The following FOCAD variants were observed in gnomAD, a reference collection of about 807,000 sequenced individuals.
FOCAD encodes the protein focadhesin.
In FOCAD, 198 loss-of-function variants were observed where a neutral mutation model predicts 225.6. That is an observed-to-expected ratio of 0.88 (90% confidence interval 0.78 to 0.99). The LOEUF (loss-of-function observed/expected upper bound fraction) is 0.99, where lower values mean the gene tolerates loss of function less well. Ranked by LOEUF, FOCAD falls within the 50% of genes least tolerant of loss-of-function variation. FOCAD has a pLI of 0.00. For missense variants in FOCAD, 2,713 were observed against 2,123.6 expected, an observed-to-expected ratio of 1.28 and a Z score of -5.46; for synonymous variants, 897 against 755.0, an observed-to-expected ratio of 1.19 and a Z score of -3.08.
In FOCAD at chr9:20,986,281, T is replaced by C. The variant is rs1564245847; in HGVS notation, c.4729-7T>C. ...TAACTAAACAATTTTTTTTTTTTTTTTTGCAGAGCAACATAGAAAAAGCTG... is the reference window on the plus strand; with the variant it reads ...TAACTAAACAATTTTTTTTTTTTTTCTTGCAGAGCAACATAGAAAAAGCTG... On this transcript the variant is annotated splice_region_variant and splice_polypyrimidine_tract_variant and intron_variant, in intron 39 of 43. Coordinates refer to ENST00000338382, the MANE Select transcript of FOCAD (RefSeq NM_001375567.1). 1.4e-6 allele frequency: 2 copies of C among 1,456,424 alleles called. No individual in the cohort carries two copies. Among genetic ancestry groups the C allele is most frequent in the Non-Finnish European group, 1.8e-6 (2 of 1,099,664 alleles). The allele number at this position is 1,456,424 out of a possible 1,614,324, so 90.2% of individuals were successfully genotyped here.
intron 4 of FOCAD, among the ~76,000 whole-genome samples, chr9:20,737,607 C>T (rs1385460805): frequency 6.6e-6 from 1 of 152,186 alleles, no homozygotes; most frequent in African/African-American, 2.4e-5. Flanking sequence ...GATAAGAATG[C>T]TTCTAAACAT....
At chr9:20,782,052 G>T in intron 10 of FOCAD, 123 bp downstream of exon 10, 1 of 783,834 alleles carries the variant, frequency 1.3e-6, no homozygotes. Context: ...CAGTCAGGTA[G>T]TGCTGTTGGA....
chr9:20,949,775 A>G, intron 33 of FOCAD, 100 bp downstream of exon 33: 1 of 1,048,472 alleles, frequency 9.5e-7, no homozygotes, highest in Middle Eastern at 3.1e-4. Context: ...GGAAAATGGG[A>G]AAGTCTCTGG....
intron 15 of FOCAD, among the ~76,000 whole-genome samples, chr9:20,844,466 T>A (rs1826879368): frequency 6.9e-6 from 1 of 145,520 alleles, no homozygotes; most frequent in South Asian, 2.3e-4. Flanking sequence ...GTTTAAGCGA[T>A]TCTCCTGCCT....
Position 20,990,182 on chromosome 9 carries a change from T to C in FOCAD, c.5064T>C (p.Thr1688=). The change falls in exon 42 of 44, where the codon ACT becomes ACC. Residue 1688 remains threonine (T), a synonymous_variant. Transcript: ENST00000338382. ...ATAVVAWADH[T]APLLLGLSAS... is the part of the protein sequence containing the mutation. ...CAGTGGTTGCATGGGCTGACCACAC[T>C]GCCCCTCTCCTCCTCGGCCTCAGTG... The C allele has an allele frequency of 6.2e-7, 1 of 1,614,188 alleles. No individual in the cohort carries two copies. Among genetic ancestry groups the C allele is most frequent in the Admixed American group, 1.7e-5 (1 of 60,034 alleles).
intron 15 of FOCAD, among the ~76,000 whole-genome samples, chr9:20,861,666 G>A (rs892070524): frequency 2.6e-5 from 4 of 152,044 alleles, no homozygotes; most frequent in African/African-American, 4.8e-5. Flanking sequence ...ACTACCTTAT[G>A]TAGTTTTTCT....
At chr9:20,946,101 A>G (rs1837153238) in intron 29 of FOCAD, among the ~76,000 whole-genome samples, 1 of 151,938 alleles carries the variant, frequency 6.6e-6, no homozygotes, top group African/African-American at 2.4e-5. Flanking sequence ...TCATTCATTC[A>G]TTCATTCATT....
At chr9:20,935,584 G>C (rs1297946484) in intron 28 of FOCAD, among the ~76,000 whole-genome samples, 8 of 152,164 alleles carry the variant, frequency 5.3e-5, no homozygotes, top group African/African-American at 1.2e-4. Context: ...ATTTTTAGTA[G>C]AGATGGGGTT....
At position 20,948,259 on chromosome 9, in the gene FOCAD, T is replaced by G; in HGVS notation, c.3676-12T>G. 3.8e-6 allele frequency: 6 copies of G among 1,580,784 alleles called. No homozygotes were observed. Among genetic ancestry groups the G allele is most frequent in the Non-Finnish European group, 5.1e-6 (6 of 1,166,930 alleles). ...TTCTTTTTCTTACCCCATTTTTATT[T>G]ATTTATATCAGACTTCAGGTTTTGC... On this transcript the variant is annotated splice_polypyrimidine_tract_variant and intron_variant, in intron 30 of 43. Transcript: ENST00000338382.
chr9:20,918,519 C>G (rs1274830511), intron 24 of FOCAD, among the ~76,000 whole-genome samples: 1 of 151,916 alleles, frequency 6.6e-6, no homozygotes, highest in Admixed American at 6.6e-5. Flanking sequence ...GTCAGGAGAT[C>G]GAGACCATCC....
chr9:20,815,889 A>C (rs1006551530), intron 11 of FOCAD, among the ~76,000 whole-genome samples: 1 of 152,144 alleles, frequency 6.6e-6, no homozygotes, highest in Non-Finnish European at 1.5e-5. Flanking sequence ...AATAATAAAA[A>C]ATTAGTCCAT....
intron 35 of FOCAD, among the ~76,000 whole-genome samples, chr9:20,969,535 A>G (rs1211528139): frequency 6.6e-6 from 1 of 152,102 alleles, no homozygotes; most frequent in Non-Finnish European, 1.5e-5. Context: ...TCAACAACAT[A>G]TAAAAATTCT....
intron 1 of FOCAD, among the ~76,000 whole-genome samples, chr9:20,698,258 A>C (rs1462730785): frequency 3.3e-5 from 5 of 152,142 alleles, no homozygotes; most frequent in Non-Finnish European, 7.3e-5. Context: ...ATCATCCATC[A>C]TCCTGTTCAG....
At chr9:20,936,572 T>TA (rs925178139) in intron 28 of FOCAD, among the ~76,000 whole-genome samples, 2 of 152,100 alleles carry the variant, frequency 1.3e-5, no homozygotes, top group Admixed American at 6.6e-5. Context: ...CTCACGCCTG[T>TA]AATCCCAGGA....
At chr9:20,986,266 A>AT (rs545976303) in intron 39 of FOCAD, 22 bp from the exon 40 acceptor site, 74,167 of 698,754 alleles carry the variant, frequency 0.11, 48 homozygotes, top group Non-Finnish European at 0.11. Context: ...TAACTAAACA[A>AT]TTTTTTTTTT....
intron 28 of FOCAD, among the ~76,000 whole-genome samples, chr9:20,943,354 ACTTGAGATACGGTGC>A (rs1293227002): frequency 6.6e-6 from 1 of 152,172 alleles, no homozygotes; most frequent in African/African-American, 2.4e-5. Flanking sequence ...AGAAAAACAC[ACTTGAGATACGGTGC>A]CTTCTCATAC....
intron 42 of FOCAD, 46 bp downstream of exon 42, chr9:20,990,420 T>C (rs1255464132): frequency 6.3e-7 from 1 of 1,599,474 alleles, no homozygotes; most frequent in East Asian, 2.3e-5. Flanking sequence ...AGCCATTGTC[T>C]CTTCAGCAGT....
chr9:20,923,075 G>A (rs1260955220), intron 24 of FOCAD, among the ~76,000 whole-genome samples: 1 of 152,128 alleles, frequency 6.6e-6, no homozygotes, highest in Non-Finnish European at 1.5e-5. Context: ...CTTATCTGGG[G>A]TCTCCAAATT....
At chr9:20,972,616 C>G (rs890240831) in intron 35 of FOCAD, among the ~76,000 whole-genome samples, 3 of 152,008 alleles carry the variant, frequency 2.0e-5, no homozygotes, top group African/African-American at 7.2e-5. Context: ...TCTCTTTTCT[C>G]CTATGCTTCT....
Sources: gnomAD v4.1 joint callset for allele counts (sites outside exome capture counted in the v4.1 genomes callset) on GRCh38, gnomAD v4.1.1 for gene constraint, MANE v1.5 for transcripts, NCBI Gene and HGNC (gene_info 2026-07-23, HGNC 2026-07-21) for gene names.